Variants in TNS1 observed in about 807,000 individuals in gnomAD.
TNS1 encodes the protein tensin 1, also known as tensin-1.
Under a neutral mutation model 168.6 loss-of-function variants are expected in TNS1, and 62 were observed. That is an observed-to-expected ratio of 0.37 (90% CI 0.30 to 0.45). The LOEUF (loss-of-function observed/expected upper bound fraction) is 0.45. TNS1 is among the 20% of genes least tolerant of loss of function. The pLI is 1.00. For synonymous variants in TNS1, 934 were observed against 933.2 expected, an observed-to-expected ratio of 1.00 and a Z score of -0.02; for missense variants, 2,240 against 2,339.4, an observed-to-expected ratio of 0.96 and a Z score of 0.88.
chr2:217,897,971 T>C lies in TNS1; in HGVS notation c.372-2A>G. On this transcript the variant is annotated splice_acceptor_variant, in intron 7 of 32. Transcript: ENST00000682258. LOFTEE classifies it high-confidence loss of function. ...ATGGTCCGGCTCACACTCATGTTTC[T>C]AGGGAGACAGCAGGCAGCGGAGGGT... The C allele has an allele frequency of 6.2e-7, 1 of 1,600,566 alleles. No homozygotes were observed. Among genetic ancestry groups the C allele is most frequent in the Non-Finnish European group, 8.5e-7 (1 of 1,173,598 alleles).
At position 218,002,982 on chromosome 2, in the gene TNS1, C is replaced by T; in HGVS notation, c.-110G>A. 1 of 453,790 alleles carries T rather than the reference C, an allele frequency of 2.2e-6. No homozygotes were observed. Among genetic ancestry groups the T allele is most frequent in the South Asian group, 1.6e-5 (1 of 64,396 alleles). 28.1% of individuals were successfully genotyped at this position (453,790 alleles called of 1,614,324 possible). ...CTCTCTGAGTCCGCGGCTGCTCCGGCTCCGCCAGCATCTGCTGGGCCTCTC... is the reference window on the plus strand; with the variant it reads ...CTCTCTGAGTCCGCGGCTGCTCCGGTTCCGCCAGCATCTGCTGGGCCTCTC... On this transcript the variant is annotated 5_prime_UTR_variant, in exon 1 of 33. Transcript: ENST00000682258.
At chr2:217,968,154 G>A (rs906513770) in intron 3 of TNS1, among the ~76,000 whole-genome samples, 4 of 152,346 alleles carry the variant, frequency 2.6e-5, no homozygotes, top group African/African-American at 7.2e-5. Context: ...TCAACCTGAT[G>A]AAGGGCATCT....
rs1414136592 is a variant in TNS1 at position 217,980,504 on chromosome 2, CACAGAGAGAGAG to C, written c.149-1714_149-1703del. ...TGCCTCTCTCTCTCTCCTACACACA[CACAGAGAGAGAG>C]AGAGAGAGAGAGAGAGAGAGAGAGA... On this transcript the variant is annotated intron_variant, in intron 2 of 32. Transcript: ENST00000682258. 7.6e-3 allele frequency among the ~76,000 whole-genome samples: 997 copies of C among 131,340 alleles called. 10 individuals are homozygous for C. The highest frequency in any genetic ancestry group is 0.026 in the African/African-American group (930 of 35,450). 86.2% of individuals were successfully genotyped at this position (131,340 alleles called of 152,430 possible).
At chr2:218,005,052 C>G (rs1172551062), upstream of TNS1, among the ~76,000 whole-genome samples, 1 of 152,094 alleles carries the variant, frequency 6.6e-6, no homozygotes. Context: ...CAGCCACTAT[C>G]ACCAGCTCTG....
chr2:218,031,872 C>G (rs1056144313), intron 1 of TNS1, among the ~76,000 whole-genome samples: 3 of 152,174 alleles, frequency 2.0e-5, no homozygotes, highest in African/African-American at 4.8e-5. Context: ...AAGCAGAGCC[C>G]AGAAGAGCTG....
chr2:217,805,981 C>T (rs1938961645), intron 32 of TNS1, among the ~76,000 whole-genome samples: 1 of 152,176 alleles, frequency 6.6e-6, no homozygotes, highest in African/African-American at 2.4e-5. Context: ...GGGCCAAAGG[C>T]CTGGGGTAAT....
Position 217,813,961 on chromosome 2 carries a change from G to C in TNS1, c.4730-145C>G. 1.0e-6 allele frequency: 1 copy of C among 1,001,984 alleles called. No homozygotes were observed. The highest frequency in any genetic ancestry group is 1.4e-6 in the Non-Finnish European group (1 of 732,676). The allele number at this position is 1,001,984 out of a possible 1,614,324, so 62.1% of individuals were successfully genotyped here. On this transcript the variant is annotated intron_variant, in intron 25 of 32. Transcript: ENST00000682258. This position sits in a 1 kb window ranked among gnomAD's most constrained non-coding sequence, Gnocchi z 4.0. Reference sequence around the variant, plus strand: ...AAGTTAAAATTTAACTACTCCTACGGGTCTTCCTGTACTCAGGTTGGCAAA... The same window carrying C: ...AAGTTAAAATTTAACTACTCCTACGCGTCTTCCTGTACTCAGGTTGGCAAA...
chr2:217,951,981 A>G (rs1957254302), intron 3 of TNS1, among the ~76,000 whole-genome samples: 1 of 152,242 alleles, frequency 6.6e-6, no homozygotes, highest in Non-Finnish European at 1.5e-5. Context: ...GCAGTGGCCC[A>G]GGCCCTGTGA....
chr2:217,809,416 CATGGATGGATGG>C (rs1940181713), intron 30 of TNS1, among the ~76,000 whole-genome samples: 1 of 3,916 alleles, frequency 2.6e-4, no homozygotes, highest in East Asian at 4.8e-3. Flanking sequence ...TGGATGGATG[CATGGATGGATGG>C]ATGGATGGAT....
chr2:217,835,895 T>C (rs1017307148), intron 20 of TNS1, 120 bp downstream of exon 20: 9 of 863,778 alleles, frequency 1.0e-5, no homozygotes, highest in African/African-American at 8.4e-5. Context: ...GGTGAGGACG[T>C]AGGGGGAGAC....
chr2:217,830,031 G>A, intron 22 of TNS1: 1 of 1,467,958 alleles, frequency 6.8e-7, no homozygotes, highest in African/African-American at 1.4e-5. Context: ...AGAAAACGGA[G>A]ATGGGAAAGC....
chr2:217,858,692 A>ACACACACACACACACACACAC, intron 18 of TNS1: 1 of 208,954 alleles, frequency 4.8e-6, no homozygotes, highest in South Asian at 1.7e-4. Context: ...ACACACACAC[A>ACACACACACACACACACACAC]CACACACACC....
intron 3 of TNS1, among the ~76,000 whole-genome samples, chr2:217,933,178 C>T (rs1956413725): frequency 6.6e-6 from 1 of 152,194 alleles, no homozygotes. Flanking sequence ...CGTAATGCTT[C>T]CTTGCTCCCA....
At chr2:217,958,327 C>A (rs954294762) in intron 3 of TNS1, among the ~76,000 whole-genome samples, 2 of 152,134 alleles carry the variant, frequency 1.3e-5, no homozygotes, top group African/African-American at 4.8e-5. Context: ...ACCCAAGGTG[C>A]CCCTTCATGG....
intron 18 of TNS1, among the ~76,000 whole-genome samples, chr2:217,856,007 G>A (rs760347112): frequency 6.6e-6 from 1 of 152,144 alleles, no homozygotes; most frequent in Non-Finnish European, 1.5e-5. Context: ...AACTTCCCTA[G>A]ACCCAGGACC....
At chr2:218,026,713 TGCCCTTTGCA>T (rs1958851980) in intron 1 of TNS1, among the ~76,000 whole-genome samples, 1 of 152,214 alleles carries the variant, frequency 6.6e-6, no homozygotes, top group South Asian at 2.1e-4. Flanking sequence ...GCGCCACAGG[TGCCCTTTGCA>T]GCACCCAGAT....
intron 1 of TNS1, among the ~76,000 whole-genome samples, chr2:217,991,929 T>C (rs547741031): frequency 1.3e-5 from 2 of 152,266 alleles, no homozygotes; most frequent in African/African-American, 4.8e-5. Context: ...GGCCCAAGCC[T>C]TCCTCTGAGC....
At chr2:217,981,314 A>C (rs1048420997) in intron 2 of TNS1, among the ~76,000 whole-genome samples, 3 of 152,186 alleles carry the variant, frequency 2.0e-5, no homozygotes, top group Admixed American at 2.0e-4. Flanking sequence ...TTGGTAGGCA[A>C]AGGGTGGGCT....
intron 28 of TNS1, among the ~76,000 whole-genome samples, chr2:217,811,178 C>G (rs1234017596): frequency 6.6e-6 from 1 of 152,166 alleles, no homozygotes; most frequent in Non-Finnish European, 1.5e-5. Flanking sequence ...CCATGCCCAG[C>G]CAATATTTGC....
Sources: gnomAD v4.1 joint callset for allele counts (sites outside exome capture counted in the v4.1 genomes callset) on GRCh38, gnomAD v4.1.1 for gene constraint, Gnocchi (gnomAD v3.1) non-coding constraint, MANE v1.5 for transcripts, NCBI Gene and HGNC (gene_info 2026-07-23, HGNC 2026-07-21) for gene names.